EP400: variants seen among roughly 807,000 people sequenced by gnomAD.
The protein encoded by EP400 is E1A-binding protein p400.
EP400 carries 105 observed loss-of-function variants against 354.1 expected under a neutral mutation model. The ratio of observed to expected loss-of-function variants is 0.30; its 90% CI spans 0.25 to 0.35. EP400 has a LOEUF of 0.35. Ranked by LOEUF, EP400 falls within the 10% of genes least tolerant of loss-of-function variation. The pLI is 1.00. For synonymous variants in EP400, 1,646 were observed against 1,716.9 expected, an observed-to-expected ratio of 0.96 and a Z score of 1.02; for missense variants, 3,280 against 4,121.0, an observed-to-expected ratio of 0.80 and a Z score of 5.59.
At position 132,018,942 on chromosome 12, in the gene EP400, A is replaced by G. The variant is rs1273144951; in HGVS notation, c.4277+566A>G. Among the ~76,000 whole-genome samples the G allele has an allele frequency of 6.6e-6, 1 of 152,240 alleles. No homozygotes were observed. Among genetic ancestry groups the G allele is most frequent in the African/African-American group, 2.4e-5 (1 of 41,470 alleles). ...GAAAGGAAATAGGTATTTGGAGATG[A>G]AGGGGCCAGCTCTGCAGACAGTCTT... On this transcript the variant is annotated intron_variant, in intron 21 of 52. Transcript: ENST00000389561. The surrounding 1 kb of genome is among the most constrained non-coding windows in gnomAD (Gnocchi z 4.0).
chr12:132,010,968 G>A (rs1387227512), intron 15 of EP400, among the ~76,000 whole-genome samples: 1 of 152,150 alleles, frequency 6.6e-6, no homozygotes. Flanking sequence ...TTAGTTTTCT[G>A]AAGAATGAAA....
At chr12:131,977,230 G>C (rs773894790) in intron 2 of EP400, among the ~76,000 whole-genome samples, 1 of 152,044 alleles carries the variant, frequency 6.6e-6, no homozygotes, top group East Asian at 1.9e-4. Flanking sequence ...TCTGCCTCCC[G>C]GGTTCACGCC....
chr12:132,032,226 G>A lies in EP400; in HGVS notation c.5951+77G>A, dbSNP rs938120803. ...CAGGTGAGGGCCTGCGGGGATGGCC[G>A]CGTGGAAATGGAGTCAATGAGAAGC... On this transcript the variant is annotated intron_variant, in intron 30 of 52. Transcript: ENST00000389561. 8.1e-5 allele frequency: 118 copies of A among 1,451,928 alleles called. No homozygotes were observed. The Middle Eastern group carries it at 1.3e-3, about 15-fold the overall frequency. The allele number at this position is 1,451,928 out of a possible 1,614,324, so 89.9% of individuals were successfully genotyped here. A position where few individuals can be genotyped will look rare whatever the true frequency, so the allele number is the denominator to read the frequency against.
chr12:131,976,078 T>C (rs1892462816), intron 2 of EP400, among the ~76,000 whole-genome samples: 1 of 152,198 alleles, frequency 6.6e-6, no homozygotes, highest in Non-Finnish European at 1.5e-5. Context: ...TATTTTTCAC[T>C]TCTAGTATCT....
At chr12:131,988,966 C>A (rs541961875) in intron 7 of EP400, among the ~76,000 whole-genome samples, 33 of 152,316 alleles carry the variant, frequency 2.2e-4, no homozygotes, top group South Asian at 2.1e-3. Flanking sequence ...TCAAGGGTCT[C>A]AAGTCAGATT....
rs1894342864 is a variant in EP400 at position 132,027,404 on chromosome 12, T to C, written c.5015-33T>C. On this transcript the variant is annotated intron_variant, in intron 25 of 52. Coordinates refer to ENST00000389561, the MANE Select transcript of EP400 (RefSeq NM_015409.5). This position sits in a 1 kb window ranked among gnomAD's most constrained non-coding sequence, Gnocchi z 4.9. ...CAGATGAAATCCTGTGAACTTGGCG[T>C]TCCTTTTCACCTCTTCCTTTATGCA... 1 of 1,610,890 alleles carries C rather than the reference T, an allele frequency of 6.2e-7. No homozygotes were observed. The highest frequency in any genetic ancestry group is 8.5e-7 in the Non-Finnish European group (1 of 1,177,366).
chr12:131,984,934 C>T (rs768156390), intron 5 of EP400, among the ~76,000 whole-genome samples: 1 of 151,958 alleles, frequency 6.6e-6, no homozygotes, highest in African/African-American at 2.4e-5. Context: ...TTTATATTCT[C>T]TCCTTAAGAA....
At position 132,050,711 on chromosome 12, in the gene EP400, TC is replaced by T; in HGVS notation, c.7394+57del. ...TGTTTGGAAGGATTTCATTCCAGTG[TC>T]ATCTAAGTTCAGTGAGTTCAGCAAA... is the stretch of plus-strand genomic sequence containing the variant. On this transcript the variant is annotated intron_variant, in intron 41 of 52. Transcript: ENST00000389561. This position sits in a 1 kb window ranked among gnomAD's most constrained non-coding sequence, Gnocchi z 4.8. The T allele has an allele frequency of 6.2e-7, 1 of 1,600,468 alleles. No individual in the cohort carries two copies. Among genetic ancestry groups the T allele is most frequent in the Admixed American group, 1.7e-5 (1 of 59,996 alleles).
chr12:132,016,340 C>T (rs957859957), intron 19 of EP400, among the ~76,000 whole-genome samples: 2 of 152,128 alleles, frequency 1.3e-5, no homozygotes, highest in African/African-American at 4.8e-5. Flanking sequence ...CGCCGTCTCT[C>T]CTGTGGAGCC....
intron 2 of EP400, among the ~76,000 whole-genome samples, chr12:131,962,406 A>T (rs1891919002): frequency 6.6e-6 from 1 of 152,178 alleles, no homozygotes; most frequent in Admixed American, 6.5e-5. Context: ...AGATCTCCTT[A>T]AAAACACCAT....
chr12:131,991,559 AT>A, intron 10 of EP400, 103 bp downstream of exon 10: 1 of 921,400 alleles, frequency 1.1e-6, no homozygotes, highest in Non-Finnish European at 1.7e-6. Context: ...GGCTGTGACT[AT>A]TACTTCCTTT....
chr12:132,057,612 C>T (rs919297318), intron 45 of EP400, among the ~76,000 whole-genome samples: 2 of 152,188 alleles, frequency 1.3e-5, no homozygotes, highest in Non-Finnish European at 2.9e-5. Context: ...CAATAAATCC[C>T]TCTAAAACAC....
chr12:132,063,585 C>T (rs1011379556), intron 47 of EP400, among the ~76,000 whole-genome samples: 16 of 152,130 alleles, frequency 1.1e-4, no homozygotes, highest in Non-Finnish European at 1.8e-4. Flanking sequence ...GAGACACATA[C>T]GGAATAAAGA....
intron 39 of EP400, among the ~76,000 whole-genome samples, chr12:132,047,413 C>T (rs953443565): frequency 6.6e-6 from 1 of 152,084 alleles, no homozygotes; most frequent in Non-Finnish European, 1.5e-5. Flanking sequence ...TAAGTGTTGG[C>T]CGGTCTGAGA....
chr12:132,030,254 A>G (rs941500260), intron 29 of EP400, 96 bp downstream of exon 29: 11 of 1,376,980 alleles, frequency 8.0e-6, no homozygotes, highest in South Asian at 6.7e-5. Context: ...TGGCCCTTCT[A>G]AGTGAAAGGG....
At chr12:132,066,667 T>G (rs1243320026) in intron 48 of EP400, 107 bp from the exon 49 acceptor site, 7 of 1,210,962 alleles carry the variant, frequency 5.8e-6, no homozygotes, top group Admixed American at 5.0e-5. Flanking sequence ...TAAACTTTGT[T>G]GATCTTTGTA....
At chr12:131,995,162 T>C (rs990517107) in intron 12 of EP400, 3 of 509,458 alleles carry the variant, frequency 5.9e-6, no homozygotes, top group African/African-American at 5.8e-5. Context: ...CCTGACTGTC[T>C]TTCTTCCCTG....
intron 45 of EP400, among the ~76,000 whole-genome samples, chr12:132,055,456 GTGTGTGTGTGTGTGTGTGA>G (rs1895455770): frequency 1.5e-5 from 2 of 137,814 alleles, no homozygotes; most frequent in Admixed American, 1.4e-4. Context: ...TGGTGTAGGG[GTGTGTGTGTGTGTGTGTGA>G]GGTGTAGGGG....
Position 132,064,671 on chromosome 12 carries a change from C to G in EP400, c.8338C>G (p.His2780Asp). 6.2e-7 allele frequency: 1 copy of G among 1,610,864 alleles called. No homozygotes were observed. Among genetic ancestry groups the G allele is most frequent in the Non-Finnish European group, 8.5e-7 (1 of 1,177,584 alleles). The change falls in exon 48 of 53, where the codon CAC becomes GAC. Residue 2780 changes from histidine (H) to aspartate (D), a missense_variant. Transcript: ENST00000389561. ...IKAVGKLTPEHLIKMQKQKLQ... is the reference protein window; with the variant it reads ...IKAVGKLTPEDLIKMQKQKLQ... ...AGATACTTTGCTTGTATTTTAGGAA[C>G]ACCTCATCAAAATGCAGAAGCAGAA...
Sources: allele counts gnomAD v4.1 joint callset (sites outside exome capture counted in the v4.1 genomes callset), GRCh38; gene constraint gnomAD v4.1.1; non-coding constraint Gnocchi (gnomAD v3.1); transcripts MANE v1.5; gene names NCBI Gene and HGNC (gene_info 2026-07-23, HGNC 2026-07-21).